Variants in GRM7 observed in about 807,000 individuals in gnomAD.
The protein encoded by GRM7 is metabotropic glutamate receptor 7.
In GRM7, 35 loss-of-function variants were observed where a neutral mutation model predicts 84.5. The ratio of observed to expected loss-of-function variants is 0.41; its 90% CI spans 0.32 to 0.55. GRM7 has a LOEUF of 0.55. Among genes scored for constraint, GRM7 ranks in the 20% least tolerant of loss-of-function variants. The probability of loss-of-function intolerance (pLI) is 0.19; values close to 1 mark genes in which losing one functional copy is unlikely to be tolerated. For missense variants in GRM7, 1,003 were observed against 1,194.6 expected, an observed-to-expected ratio of 0.84 and a Z score of 2.36; for synonymous variants, 487 against 455.1, an observed-to-expected ratio of 1.07 and a Z score of -0.89.
chr3:6,943,688 T>A (rs1697965698), intron 1 of GRM7, among the ~76,000 whole-genome samples: 1 of 152,086 alleles, frequency 6.6e-6, no homozygotes, highest in East Asian at 1.9e-4. Context: ...CATGTCCACA[T>A]TCGTTTTAGA....
intron 4 of GRM7, among the ~76,000 whole-genome samples, chr3:7,413,008 A>G (rs529639795): frequency 1.3e-5 from 2 of 152,216 alleles, no homozygotes; most frequent in South Asian, 4.2e-4. Context: ...ACACACACAC[A>G]TAATTATATT....
chr3:7,204,784 G>A (rs568731891), intron 2 of GRM7, among the ~76,000 whole-genome samples: 1 of 152,298 alleles, frequency 6.6e-6, no homozygotes, highest in African/African-American at 2.4e-5. Flanking sequence ...GCATTAATTT[G>A]TAGAGCAATT....
chr3:7,577,807 T>C (rs1334288442), intron 7 of GRM7, among the ~76,000 whole-genome samples: 3 of 152,162 alleles, frequency 2.0e-5, no homozygotes, highest in African/African-American at 7.2e-5. Flanking sequence ...ACTTCTCCCC[T>C]GTGATAGTAG....
chr3:7,346,819 A>G (rs138179081), intron 4 of GRM7, among the ~76,000 whole-genome samples: 3 of 152,254 alleles, frequency 2.0e-5, no homozygotes, highest in African/African-American at 7.2e-5. Flanking sequence ...CTGATCCTTT[A>G]TGATAAGATG....
At chr3:6,877,188 T>C (rs1198171788) in intron 1 of GRM7, among the ~76,000 whole-genome samples, 1 of 152,218 alleles carries the variant, frequency 6.6e-6, no homozygotes, top group African/African-American at 2.4e-5. Flanking sequence ...AGCTTCTCTT[T>C]TTTAAACTTC....
At position 7,652,821 on chromosome 3, in the gene GRM7, T is replaced by A. The variant is rs1031394320; in HGVS notation, c.2452-27228T>A. ...AGAGTGTTTTCTGAGACCAGCTGTA[T>A]GCATAACATCTAATTCTTTTTGAAA... On this transcript the variant is annotated intron_variant, in intron 8 of 9. Transcript: ENST00000357716. Among the ~76,000 whole-genome samples, 8 of 152,222 alleles carry A rather than the reference T, an allele frequency of 5.3e-5. 1 individual carries two copies. In the South Asian group the frequency reaches 1.7e-3, roughly 31 times the overall value.
chr3:7,516,907 G>A (rs560973760), intron 7 of GRM7, among the ~76,000 whole-genome samples: 263 of 152,224 alleles, frequency 1.7e-3, no homozygotes, highest in African/African-American at 6.1e-3. Context: ...TCTAACTGGT[G>A]GTATTTTTAT....
chr3:7,136,430 G>GAA (rs148404220), intron 1 of GRM7, among the ~76,000 whole-genome samples: 21 of 149,840 alleles, frequency 1.4e-4, no homozygotes, highest in East Asian at 2.0e-4. Flanking sequence ...TAAGGCCTAA[G>GAA]AAAAAAAAAC....
chr3:6,891,269 G>A (rs1159615136), intron 1 of GRM7, among the ~76,000 whole-genome samples: 1 of 152,134 alleles, frequency 6.6e-6, no homozygotes, highest in Non-Finnish European at 1.5e-5. Context: ...ATTTGATCCT[G>A]TCATTATGAT....
At chr3:7,485,015 C>T (rs1699268603) in intron 7 of GRM7, among the ~76,000 whole-genome samples, 1 of 152,110 alleles carries the variant, frequency 6.6e-6, no homozygotes, top group African/African-American at 2.4e-5. Flanking sequence ...GGAACTGAGG[C>T]ACTTATTCCA....
chr3:7,290,164 G>A (rs139137309), intron 2 of GRM7, among the ~76,000 whole-genome samples: 1 of 152,148 alleles, frequency 6.6e-6, no homozygotes, highest in Non-Finnish European at 1.5e-5. Context: ...TCTAAAAATG[G>A]CAAAGAAAGT....
chr3:7,263,774 A>G (rs1698528940), intron 2 of GRM7, among the ~76,000 whole-genome samples: 1 of 151,958 alleles, frequency 6.6e-6, no homozygotes, highest in African/African-American at 2.4e-5. Flanking sequence ...GGTGCTCTCT[A>G]TGCCCACCAA....
chr3:7,615,915 G>A (rs776255227), intron 8 of GRM7, among the ~76,000 whole-genome samples: 10 of 151,680 alleles, frequency 6.6e-5, no homozygotes, highest in Non-Finnish European at 1.3e-4. Flanking sequence ...AGCATATAAC[G>A]TATTTATATA....
At chr3:7,514,687 T>C (rs1700316241) in intron 7 of GRM7, among the ~76,000 whole-genome samples, 1 of 152,160 alleles carries the variant, frequency 6.6e-6, no homozygotes, top group South Asian at 2.1e-4. Context: ...TTGTAAAAAC[T>C]ATGGGGCTAT....
intron 3 of GRM7, among the ~76,000 whole-genome samples, chr3:7,303,346 C>T (rs981015884): frequency 6.6e-6 from 1 of 152,118 alleles, no homozygotes; most frequent in African/African-American, 2.4e-5. Context: ...ACCATGCTTC[C>T]TGGTTCTGTT....
intron 1 of GRM7, among the ~76,000 whole-genome samples, chr3:7,037,634 T>C (rs1470991141): frequency 2.0e-5 from 3 of 152,168 alleles, no homozygotes; most frequent in East Asian, 1.9e-4. Flanking sequence ...ACTTTAAATA[T>C]ACCATGTCTG....
chr3:6,989,737 A>G (rs539593232), intron 1 of GRM7, among the ~76,000 whole-genome samples: 1 of 152,360 alleles, frequency 6.6e-6, no homozygotes, highest in African/African-American at 2.4e-5. Flanking sequence ...GCGCAGTGTT[A>G]TTGGTTAGAG....
At position 7,239,813 on chromosome 3, in the gene GRM7, G is replaced by GT. The variant is rs560874495; in HGVS notation, c.737-58865dup. Among the ~76,000 whole-genome samples, 583 of 152,252 alleles carry GT rather than the reference G, an allele frequency of 3.8e-3. 2 individuals are homozygous for GT. Among genetic ancestry groups the GT allele is most frequent in the African/African-American group, 0.013 (536 of 41,550 alleles). ...TTGTGCTCCTTCTTTCAGCATCAGA[G>GT]TTTTTTCTATCAAGGCTTTGATTCT... On this transcript the variant is annotated intron_variant, in intron 2 of 9. Coordinates refer to ENST00000357716, the MANE Select transcript of GRM7 (RefSeq NM_000844.4).
intron 1 of GRM7, among the ~76,000 whole-genome samples, chr3:7,016,141 A>G (rs981922399): frequency 7.2e-5 from 11 of 152,178 alleles, no homozygotes; most frequent in African/African-American, 2.7e-4. Context: ...CTAAAATCCC[A>G]GCTAGTTCTA....
Sources: gnomAD v4.1 joint callset for allele counts (sites outside exome capture counted in the v4.1 genomes callset) on GRCh38, gnomAD v4.1.1 for gene constraint, MANE v1.5 for transcripts, NCBI Gene and HGNC (gene_info 2026-07-23, HGNC 2026-07-21) for gene names.